The following PXDNL variants were observed in gnomAD, a reference collection of about 807,000 sequenced individuals.
The protein encoded by PXDNL is probable oxidoreductase PXDNL.
PXDNL carries 145 observed loss-of-function variants against 150.8 expected under a neutral mutation model. That is an observed-to-expected ratio of 0.96 (90% confidence interval 0.84 to 1.10). PXDNL has a LOEUF of 1.10. Among genes scored for constraint, PXDNL ranks in the 50% least tolerant of loss-of-function variants. The pLI is 0.00. For synonymous variants in PXDNL, 757 were observed against 725.7 expected, an observed-to-expected ratio of 1.04 and a Z score of -0.69; for missense variants, 2,087 against 1,873.9, an observed-to-expected ratio of 1.11 and a Z score of -2.10.
intron 5 of PXDNL, among the ~76,000 whole-genome samples, chr8:51,490,725 CTAGT>C (rs1563435460): frequency 1.7e-5 from 1 of 57,694 alleles, no homozygotes; most frequent in East Asian, 3.4e-4. Context: ...AATTGACTTT[CTAGT>C]GTGTGTGTGT....
chr8:51,426,448 T>TG (rs1441060043), intron 13 of PXDNL, among the ~76,000 whole-genome samples, 198 bp downstream of exon 13: 5 of 151,118 alleles, frequency 3.3e-5, no homozygotes, highest in Admixed American at 3.3e-4. Flanking sequence ...ATCAAAACAC[T>TG]GAACCAAAAT....
At chr8:51,553,670 A>AACAAATGT (rs1359266409) in intron 4 of PXDNL, among the ~76,000 whole-genome samples, 2 of 151,256 alleles carry the variant, frequency 1.3e-5, no homozygotes, top group East Asian at 3.9e-4. Flanking sequence ...GAACTCTATC[A>AACAAATGT]ACAAATGTAC....
intron 1 of PXDNL, among the ~76,000 whole-genome samples, chr8:51,711,755 T>A (rs1816503149): frequency 6.6e-6 from 1 of 152,248 alleles, no homozygotes; most frequent in Admixed American, 6.5e-5. Context: ...AGTATATATA[T>A]GCAGTATACA....
At chr8:51,660,175 C>T (rs1815242761) in intron 1 of PXDNL, among the ~76,000 whole-genome samples, 1 of 120,798 alleles carries the variant, frequency 8.3e-6, no homozygotes, top group Non-Finnish European at 1.8e-5. Flanking sequence ...CAGGCATGAG[C>T]CACCGCGCCC....
chr8:51,472,354 C>G, intron 7 of PXDNL, 50 bp from the exon 8 acceptor site: 1 of 1,391,380 alleles, frequency 7.2e-7, no homozygotes, highest in Non-Finnish European at 1.0e-6. Context: ...AAAATTATGG[C>G]CTTCCAAGAT....
chr8:51,443,041 T>C (rs934777065), intron 12 of PXDNL, among the ~76,000 whole-genome samples: 2 of 152,182 alleles, frequency 1.3e-5, no homozygotes, highest in African/African-American at 4.8e-5. Flanking sequence ...TAACAACCTC[T>C]ACAGCCATGC....
At chr8:51,398,976 C>A (rs1808168194) in intron 17 of PXDNL, among the ~76,000 whole-genome samples, 3 of 151,928 alleles carry the variant, frequency 2.0e-5, no homozygotes, top group Non-Finnish European at 4.4e-5. Flanking sequence ...GTACAATAAT[C>A]AAAATGAAAA....
At chr8:51,485,511 C>T (rs2130183594) in intron 5 of PXDNL, among the ~76,000 whole-genome samples, 1 of 152,300 alleles carries the variant, frequency 6.6e-6, no homozygotes, top group African/African-American at 2.4e-5. Flanking sequence ...TACCTCCCAC[C>T]CCTTGATACC....
At chr8:51,769,026 C>A (rs538577273) in intron 1 of PXDNL, among the ~76,000 whole-genome samples, 1 of 152,186 alleles carries the variant, frequency 6.6e-6, no homozygotes, top group Non-Finnish European at 1.5e-5. Flanking sequence ...GGCGTGAACC[C>A]GGGAGGCAGA....
chr8:51,458,765 G>A (rs1809998375), intron 8 of PXDNL, among the ~76,000 whole-genome samples: 1 of 152,218 alleles, frequency 6.6e-6, no homozygotes, highest in Non-Finnish European at 1.5e-5. Context: ...AGTAAAGTTT[G>A]TTAAAGAGAT....
chr8:51,707,799 T>C (rs538613879), intron 1 of PXDNL, among the ~76,000 whole-genome samples: 19 of 152,192 alleles, frequency 1.2e-4, no homozygotes, highest in Admixed American at 9.8e-4. Context: ...CTGGCTTATT[T>C]CACTTAACAT....
chr8:51,675,885 G>A (rs188246597), intron 1 of PXDNL, among the ~76,000 whole-genome samples: 4 of 151,668 alleles, frequency 2.6e-5, no homozygotes, highest in South Asian at 2.1e-4. Context: ...CTGCTGCAAC[G>A]GAGCTCCACT....
intron 2 of PXDNL, among the ~76,000 whole-genome samples, chr8:51,640,466 G>A (rs1375022080): frequency 6.6e-6 from 1 of 152,178 alleles, no homozygotes; most frequent in East Asian, 1.9e-4. Context: ...CATTGTCTCA[G>A]CCCAAATTCT....
chr8:51,435,928 A>G, intron 12 of PXDNL: 1 of 498,028 alleles, frequency 2.0e-6, no homozygotes, highest in Admixed American at 2.3e-5. Context: ...GAGTTCTGTG[A>G]AATGAAAAAC....
intron 1 of PXDNL, among the ~76,000 whole-genome samples, chr8:51,791,295 C>T (rs1233194874): frequency 6.6e-6 from 1 of 152,228 alleles, no homozygotes; most frequent in Non-Finnish European, 1.5e-5. Flanking sequence ...CATGTGGTCA[C>T]ATGACTTCCA....
At position 51,356,931 on chromosome 8, in the gene PXDNL, T is replaced by C. The variant is rs148287756; in HGVS notation, c.3902-10984A>G. Reference sequence around the variant, plus strand: ...TTACCTACAGCACTGAATTATTATGTTTCTGCTGGCTAAAAGAACAAAAAC... The same window carrying C: ...TTACCTACAGCACTGAATTATTATGCTTCTGCTGGCTAAAAGAACAAAAAC... On this transcript the variant is annotated intron_variant, in intron 19 of 22. Transcript: ENST00000356297. 2.0e-5 allele frequency among the ~76,000 whole-genome samples: 3 copies of C among 152,330 alleles called. No homozygotes were observed. The East Asian group carries it at 5.8e-4, about 29-fold the overall frequency.
At chr8:51,382,456 A>G (rs16916150) in intron 17 of PXDNL, among the ~76,000 whole-genome samples, 5,179 of 152,256 alleles carry the variant, frequency 0.034, 113 homozygotes, top group South Asian at 0.08. Context: ...CCTTCCATTG[A>G]CTTTATGCTA....
chr8:51,476,107 A>ACAAG (rs1810469246), intron 6 of PXDNL, among the ~76,000 whole-genome samples: 1 of 152,032 alleles, frequency 6.6e-6, no homozygotes, highest in Non-Finnish European at 1.5e-5. Context: ...AAAAGCAAAA[A>ACAAG]CAAACAAACA....
chr8:51,609,791 C>T lies in PXDNL; in HGVS notation c.237-17093G>A, dbSNP rs138476870. 2.2e-4 allele frequency among the ~76,000 whole-genome samples: 33 copies of T among 152,226 alleles called. 1 individual carries two copies. Among genetic ancestry groups the T allele is most frequent in the Non-Finnish European group, 4.3e-4 (29 of 68,006 alleles). ...GCTTGAAATGCCTTTTGTTTCCACT[C>T]GTTCTTCACAGGATTTGGGGAAGCT... On this transcript the variant is annotated intron_variant, in intron 2 of 22. Transcript: ENST00000356297.
Sources: gnomAD v4.1 joint callset for allele counts (sites outside exome capture counted in the v4.1 genomes callset) on GRCh38, gnomAD v4.1.1 for gene constraint, MANE v1.5 for transcripts, NCBI Gene and HGNC (gene_info 2026-07-23, HGNC 2026-07-21) for gene names.